Variants in ABHD2 observed in about 807,000 individuals in gnomAD.
ABHD2 encodes monoacylglycerol lipase ABHD2.
In ABHD2, 20 loss-of-function variants were observed where a neutral mutation model predicts 48.1. That is an observed-to-expected ratio of 0.42 (90% CI 0.29 to 0.60). ABHD2 has a LOEUF of 0.60. ABHD2 is among the 20% of genes least tolerant of loss of function. The pLI, the probability that ABHD2 is intolerant of heterozygous loss-of-function variation, is 0.24. For synonymous variants in ABHD2, 209 were observed against 214.2 expected, an observed-to-expected ratio of 0.98 and a Z score of 0.21; for missense variants, 405 against 550.9, an observed-to-expected ratio of 0.74 and a Z score of 2.65.
rs556184109 is a variant in ABHD2, at chr15:89,104,580, C to T, written c.-106-9145C>T. Among the ~76,000 whole-genome samples, 9 of 152,318 alleles carry T rather than the reference C, an allele frequency of 5.9e-5. No homozygotes were observed. The highest frequency in any genetic ancestry group is 2.1e-4 in the South Asian group (1 of 4,828). ...GTTGGGAAACCAGAACGCTCAGGAACGGTGAGTCCCAGTTATTTTTATTTT... is the reference window on the plus strand; with the variant it reads ...GTTGGGAAACCAGAACGCTCAGGAATGGTGAGTCCCAGTTATTTTTATTTT... On this transcript the variant is annotated intron_variant, in intron 1 of 10. Transcript: ENST00000352732. This position sits in a 1 kb window ranked among gnomAD's most constrained non-coding sequence, Gnocchi z 4.4.
Position 89,186,139 on chromosome 15 carries a change from C to T in ABHD2, c.815+623C>T, listed in dbSNP as rs1051926242. On this transcript the variant is annotated intron_variant, in intron 7 of 10. Transcript: ENST00000352732. The surrounding 1 kb of genome is among the most constrained non-coding windows in gnomAD (Gnocchi z 4.3). ...AGGAGACCTTCCCTGTAGGATGCTTCTGTGCCTGGGGGATCAGGACTCATT... is the reference window on the plus strand; with the variant it reads ...AGGAGACCTTCCCTGTAGGATGCTTTTGTGCCTGGGGGATCAGGACTCATT... Among the ~76,000 whole-genome samples the T allele has an allele frequency of 5.3e-5, 8 of 152,300 alleles. No homozygotes were observed. The highest frequency in any genetic ancestry group is 8.8e-5 in the Non-Finnish European group (6 of 68,038).
rs2051019597 is a variant in ABHD2, at chr15:89,176,688, T to A, written c.722+693T>A. 6.6e-6 allele frequency among the ~76,000 whole-genome samples: 1 copy of A among 152,000 alleles called. No homozygotes were observed. Among genetic ancestry groups the A allele is most frequent in the South Asian group, 2.1e-4 (1 of 4,808 alleles). On this transcript the variant is annotated intron_variant, in intron 6 of 10. Coordinates refer to ENST00000352732, the MANE Select transcript of ABHD2 (RefSeq NM_152924.5). This position sits in a 1 kb window ranked among gnomAD's most constrained non-coding sequence, Gnocchi z 4.5. ...CACGTTCACACACACATGCACACAC[T>A]CACACTATACACACACCTCTCCAGG...
chr15:89,135,728 G>T (rs1217713564), intron 3 of ABHD2: 6 of 1,245,718 alleles, frequency 4.8e-6, no homozygotes, highest in Admixed American at 1.7e-5. Flanking sequence ...CAGCTTCGCA[G>T]CCTTCTTTTT....
At chr15:89,126,811 A>G (rs1003922313) in intron 3 of ABHD2, among the ~76,000 whole-genome samples, 1 of 152,212 alleles carries the variant, frequency 6.6e-6, no homozygotes, top group Non-Finnish European at 1.5e-5. Flanking sequence ...TTAGAAGCCC[A>G]GTCTTCTTCA....
the ABHD2 span, among the ~76,000 whole-genome samples, chr15:89,062,055 A>G: frequency 0.013 from 1,992 of 152,280 alleles, 51 homozygotes; most frequent in African/African-American, 0.046. Context: ...TGGAGCAGGC[A>G]GAGCAATAAG....
rs149218408 is a variant in ABHD2 at position 89,141,412 on chromosome 15, C to T, written c.195-10265C>T. On this transcript the variant is annotated intron_variant, in intron 3 of 10. Transcript: ENST00000352732. ...CTTTGGAAGGCCGAGGTGGGCAGAT[C>T]TCTTGAGGTAAGGACTTCAAGACCA... 4.0e-3 allele frequency among the ~76,000 whole-genome samples: 612 copies of T among 152,312 alleles called. 3 individuals are homozygous for T. Among genetic ancestry groups the T allele is most frequent in the Non-Finnish European group, 6.4e-3 (434 of 68,038 alleles).
At chr15:89,063,383 G>C in the ABHD2 span, among the ~76,000 whole-genome samples, 1 of 152,054 alleles carries the variant, frequency 6.6e-6, no homozygotes, top group African/African-American at 2.4e-5. Flanking sequence ...ATATAGAAAA[G>C]CATGAAGTAT....
the ABHD2 span, among the ~76,000 whole-genome samples, chr15:89,076,267 T>A: frequency 5.3e-5 from 8 of 152,216 alleles, no homozygotes; most frequent in African/African-American, 1.9e-4. Context: ...GTAGATATCA[T>A]CCACCTTCAG....
rs984535369 is a variant in ABHD2, at chr15:89,193,299, C to G, written c.1061C>G (p.Thr354Ser). 1 of 1,614,174 alleles carries G rather than the reference C, an allele frequency of 6.2e-7. No homozygotes were observed. The highest frequency in any genetic ancestry group is 1.7e-5 in the Admixed American group (1 of 60,034). ...DDPLVHESLL[T>S]IPKSLSEKRE... ...CCGTTGGTGCATGAAAGTCTTCTAA[C>G]CATTCCAAAATCTCTTTCAGGTAAG... The change falls in exon 10 of 11, where the codon ACC becomes AGC. Residue 354 changes from threonine (T) to serine (S), a missense_variant. Coordinates refer to ENST00000352732, the MANE Select transcript of ABHD2 (RefSeq NM_152924.5).
chr15:89,163,436 C>A (rs2050791809), intron 5 of ABHD2, among the ~76,000 whole-genome samples: 2 of 152,228 alleles, frequency 1.3e-5, no homozygotes, highest in African/African-American at 2.4e-5. Context: ...CTAATGAGTG[C>A]CAGGCATGTG....
chr15:89,109,164 G>T (rs1306586014), intron 1 of ABHD2, among the ~76,000 whole-genome samples: 1 of 152,170 alleles, frequency 6.6e-6, no homozygotes, highest in Non-Finnish European at 1.5e-5. Context: ...TTTTAGCCAG[G>T]GGAGAGCAGA....
chr15:89,129,933 CAT>C (rs2050193164), intron 3 of ABHD2, among the ~76,000 whole-genome samples: 1 of 152,054 alleles, frequency 6.6e-6, no homozygotes, highest in South Asian at 2.1e-4. Context: ...TAGCAAAAGA[CAT>C]AATGTACACG....
rs544165285 is a variant in ABHD2, at chr15:89,094,824, A to C, written c.-107+6261A>C. Among the ~76,000 whole-genome samples the C allele has an allele frequency of 3.2e-4, 49 of 152,230 alleles. 1 individual carries two copies. In the South Asian group the frequency reaches 9.8e-3, roughly 30 times the overall value. Reference sequence around the variant, plus strand: ...ACACCTGTAATCCCAGTACTTTGAGAGGCCGAGGCAGGCGGATCACTTGAG... The same window carrying C: ...ACACCTGTAATCCCAGTACTTTGAGCGGCCGAGGCAGGCGGATCACTTGAG... On this transcript the variant is annotated intron_variant, in intron 1 of 10. Coordinates refer to ENST00000352732, the MANE Select transcript of ABHD2 (RefSeq NM_152924.5). This position sits in a 1 kb window ranked among gnomAD's most constrained non-coding sequence, Gnocchi z 4.7.
intron 3 of ABHD2, among the ~76,000 whole-genome samples, chr15:89,131,054 A>G (rs1335209110): frequency 6.6e-6 from 1 of 152,124 alleles, no homozygotes; most frequent in Non-Finnish European, 1.5e-5. Flanking sequence ...TTTCACCTGG[A>G]AGAATGCAAT....
In ABHD2 at chr15:89,177,980, A is replaced by C. The variant is rs2150931565; in HGVS notation, c.722+1985A>C. ...GCAGCAAGCTAAGGTGTTTGAACTA[A>C]GGCAAAGAAGGCTCAAGAAGCTAGA... On this transcript the variant is annotated intron_variant, in intron 6 of 10. Transcript: ENST00000352732. This position sits in a 1 kb window ranked among gnomAD's most constrained non-coding sequence, Gnocchi z 5.6. Among the ~76,000 whole-genome samples the C allele has an allele frequency of 6.6e-6, 1 of 152,340 alleles. No homozygotes were observed. Among genetic ancestry groups the C allele is most frequent in the East Asian group, 1.9e-4 (1 of 5,190 alleles).
At chr15:89,194,911 C>T (rs947320085) in intron 10 of ABHD2, among the ~76,000 whole-genome samples, 17 of 152,172 alleles carry the variant, frequency 1.1e-4, no homozygotes, top group African/African-American at 3.1e-4. Flanking sequence ...TCTGGGCCAG[C>T]CTGGGGTTAA....
chr15:89,111,951 A>G (rs1471936724), intron 1 of ABHD2, among the ~76,000 whole-genome samples: 2 of 152,008 alleles, frequency 1.3e-5, no homozygotes, highest in Non-Finnish European at 2.9e-5. Context: ...TTATATATAT[A>G]TATATTGATT....
the ABHD2 span, among the ~76,000 whole-genome samples, chr15:89,063,922 C>T: frequency 1.3e-5 from 2 of 152,054 alleles, no homozygotes; most frequent in Admixed American, 6.6e-5. Flanking sequence ...AGCTGTGCAG[C>T]TGTGCAGCCT....
At chr15:89,169,371 G>A (rs528827357) in intron 5 of ABHD2, among the ~76,000 whole-genome samples, 155 of 152,264 alleles carry the variant, frequency 1.0e-3, no homozygotes, top group African/African-American at 3.7e-3. Flanking sequence ...TCCTAGAAGA[G>A]AGGCTGAACA....
Sources: gnomAD v4.1 joint callset for allele counts (sites outside exome capture counted in the v4.1 genomes callset) on GRCh38, gnomAD v4.1.1 for gene constraint, Gnocchi (gnomAD v3.1) non-coding constraint, MANE v1.5 for transcripts, NCBI Gene and HGNC (gene_info 2026-07-23, HGNC 2026-07-21) for gene names.